The following GRID1 variants were observed in gnomAD, a reference collection of about 807,000 sequenced individuals.
GRID1 encodes the protein glutamate receptor ionotropic, delta-1.
GRID1 carries 28 observed loss-of-function variants against 98.0 expected under a neutral mutation model. The ratio of observed to expected loss-of-function variants is 0.29; its 90% CI spans 0.21 to 0.39. GRID1 has a LOEUF of 0.39. Among genes scored for constraint, GRID1 ranks in the 10% least tolerant of loss-of-function variants. The pLI is 1.00. For synonymous variants in GRID1, 553 were observed against 538.5 expected, an observed-to-expected ratio of 1.03 and a Z score of -0.37; for missense variants, 1,111 against 1,340.5, an observed-to-expected ratio of 0.83 and a Z score of 2.67.
rs150319404 is a variant in GRID1 at position 86,278,495 on chromosome 10, G to A, written c.236-71847C>T. Among the ~76,000 whole-genome samples, 632 of 152,066 alleles carry A rather than the reference G, an allele frequency of 4.2e-3. 6 individuals are homozygous for A. Among genetic ancestry groups the A allele is most frequent in the African/African-American group, 0.015 (603 of 41,510 alleles). On this transcript the variant is annotated intron_variant, in intron 2 of 15. Coordinates refer to ENST00000327946, the MANE Select transcript of GRID1 (RefSeq NM_017551.3). Reference sequence around the variant, plus strand: ...GGAAAATCAAGGAAACCAAAAGCTGGCTTTTCTTCAAAGATCAATAGTATT... The same window carrying A: ...GGAAAATCAAGGAAACCAAAAGCTGACTTTTCTTCAAAGATCAATAGTATT...
At chr10:85,829,029 C>A (rs1842844675) in intron 8 of GRID1, among the ~76,000 whole-genome samples, 2 of 152,112 alleles carry the variant, frequency 1.3e-5, no homozygotes, top group Non-Finnish European at 1.5e-5. Context: ...AGGCCAATAT[C>A]ATTGATGAAC....
At chr10:85,866,321 A>G (rs895009827) in intron 6 of GRID1, among the ~76,000 whole-genome samples, 3 of 151,540 alleles carry the variant, frequency 2.0e-5, no homozygotes, top group Non-Finnish European at 2.9e-5. Flanking sequence ...AAAAAAAAAA[A>G]AAGGCTATGT....
chr10:85,929,370 G>A (rs1207886560), intron 4 of GRID1, among the ~76,000 whole-genome samples: 1 of 152,150 alleles, frequency 6.6e-6, no homozygotes, highest in Non-Finnish European at 1.5e-5. Context: ...GGTAACCTCA[G>A]CAACATCTGT....
chr10:85,655,102 T>G (rs1404638310), intron 12 of GRID1, among the ~76,000 whole-genome samples: 1 of 152,128 alleles, frequency 6.6e-6, no homozygotes, highest in East Asian at 1.9e-4. Flanking sequence ...GCTTCAGTGC[T>G]GCCTCCTCCA....
intron 2 of GRID1, among the ~76,000 whole-genome samples, chr10:86,245,049 G>A (rs972302694): frequency 3.3e-5 from 5 of 152,204 alleles, no homozygotes; most frequent in South Asian, 2.1e-4. Context: ...CTGATTCCAT[G>A]TTTTCATTTT....
chr10:86,025,870 G>T (rs988474241), intron 4 of GRID1, among the ~76,000 whole-genome samples: 3 of 152,140 alleles, frequency 2.0e-5, no homozygotes, highest in Non-Finnish European at 4.4e-5. Flanking sequence ...CAGTAAAATT[G>T]AATTTTGAGC....
chr10:85,752,632 A>C (rs1439648519), intron 8 of GRID1, among the ~76,000 whole-genome samples: 1 of 152,212 alleles, frequency 6.6e-6, no homozygotes, highest in Admixed American at 6.5e-5. Flanking sequence ...TTGATATTTT[A>C]AATATTCTAT....
intron 5 of GRID1, among the ~76,000 whole-genome samples, chr10:85,909,815 C>A (rs577642752): frequency 6.6e-6 from 1 of 152,166 alleles, no homozygotes; most frequent in Non-Finnish European, 1.5e-5. Context: ...GTGACAGATA[C>A]GTTCACTACC....
chr10:85,613,537 T>C lies in GRID1; in HGVS notation c.2471A>G (p.Lys824Arg). ...TSHASAQADG[K>R]SLKLHSFAGV... is the part of the protein sequence containing the mutation. ...GGCGAAGCTGTGCAGCTTGAGGGAT[T>C]TGCCGTCGGCCTGGGCGCTGGCATG... The change falls in exon 15 of 16, where the codon AAA becomes AGA. Residue 824 changes from lysine (K) to arginine (R), a missense_variant. Lys to Arg is a conservative substitution (Grantham distance 26). Coordinates refer to ENST00000327946, the MANE Select transcript of GRID1 (RefSeq NM_017551.3). The C allele has an allele frequency of 6.2e-7, 1 of 1,614,196 alleles. No individual in the cohort carries two copies. The highest frequency in any genetic ancestry group is 8.5e-7 in the Non-Finnish European group (1 of 1,180,046).
chr10:85,908,613 A>G (rs1293779476), intron 5 of GRID1, among the ~76,000 whole-genome samples: 1 of 152,208 alleles, frequency 6.6e-6, no homozygotes, highest in Non-Finnish European at 1.5e-5. Flanking sequence ...AATTCTCCCA[A>G]AAATGGAGTA....
intron 2 of GRID1, among the ~76,000 whole-genome samples, chr10:86,331,406 C>A (rs1231819674): frequency 6.6e-6 from 1 of 152,146 alleles, no homozygotes; most frequent in Non-Finnish European, 1.5e-5. Flanking sequence ...CTGAGCAGCT[C>A]CGTGTGCAGC....
At chr10:86,300,714 G>A (rs1262111706) in intron 2 of GRID1, among the ~76,000 whole-genome samples, 2 of 152,086 alleles carry the variant, frequency 1.3e-5, no homozygotes, top group African/African-American at 4.8e-5. Context: ...TATGGTAACT[G>A]GAGCAGGAGG....
At chr10:86,010,990 G>A (rs991221849) in intron 4 of GRID1, among the ~76,000 whole-genome samples, 3 of 152,148 alleles carry the variant, frequency 2.0e-5, no homozygotes, top group Non-Finnish European at 2.9e-5. Context: ...AGGAGTTTGG[G>A]ATAGGGATCT....
intron 8 of GRID1, among the ~76,000 whole-genome samples, chr10:85,764,955 G>T (rs1177544727): frequency 3.9e-5 from 6 of 152,186 alleles, no homozygotes; most frequent in African/African-American, 1.2e-4. Context: ...TTGCCCCAAA[G>T]AGGACAAAGC....
chr10:86,331,032 G>A (rs1049780285), intron 2 of GRID1, among the ~76,000 whole-genome samples: 4 of 152,242 alleles, frequency 2.6e-5, no homozygotes, highest in East Asian at 1.9e-4. Flanking sequence ...CACCATGAGA[G>A]AAGGGCCACC....
chr10:86,219,883 C>G (rs892623223), intron 2 of GRID1, among the ~76,000 whole-genome samples: 10 of 152,170 alleles, frequency 6.6e-5, no homozygotes, highest in African/African-American at 2.4e-4. Context: ...ACAGATGCTC[C>G]CCCCGGGAGG....
intron 8 of GRID1, among the ~76,000 whole-genome samples, chr10:85,778,057 T>C (rs188227671): frequency 6.8e-4 from 103 of 152,290 alleles, no homozygotes; most frequent in African/African-American, 2.2e-3. Flanking sequence ...GACACTATGT[T>C]CTGTTGTGGA....
intron 8 of GRID1, among the ~76,000 whole-genome samples, chr10:85,848,572 C>CAT (rs1490637559): frequency 1.3e-5 from 2 of 152,098 alleles, no homozygotes; most frequent in African/African-American, 4.8e-5. Flanking sequence ...GATAAATATA[C>CAT]ATATCATGAT....
At chr10:85,969,187 G>T (rs1842376047) in intron 4 of GRID1, among the ~76,000 whole-genome samples, 1 of 152,086 alleles carries the variant, frequency 6.6e-6, no homozygotes, top group Non-Finnish European at 1.5e-5. Context: ...CAAAAACACA[G>T]GAGGCAAAAA....
Sources: gnomAD v4.1 joint callset for allele counts (sites outside exome capture counted in the v4.1 genomes callset) on GRCh38, gnomAD v4.1.1 for gene constraint, MANE v1.5 for transcripts, NCBI Gene and HGNC (gene_info 2026-07-23, HGNC 2026-07-21) for gene names.